SCO1: variants seen among roughly 807,000 people sequenced by gnomAD.
SCO1 encodes cytochrome c oxidase assembly factor SCO1.
In SCO1, 23 loss-of-function variants were observed where a neutral mutation model predicts 34.0. The ratio of observed to expected loss-of-function variants is 0.68; its 90% CI spans 0.49 to 0.96. SCO1 has a LOEUF of 0.96. SCO1 is among the 40% of genes least tolerant of loss of function. The pLI is 0.00. For synonymous variants in SCO1, 161 were observed against 145.5 expected, an observed-to-expected ratio of 1.11 and a Z score of -0.77; for missense variants, 404 against 381.6, an observed-to-expected ratio of 1.06 and a Z score of -0.49.
In SCO1 at chr17:10,675,477, G is replaced by C. The variant is rs2074574948; in HGVS notation, c.*5642C>G. The C allele has an allele frequency of 6.6e-6, 1 of 152,126 alleles. No individual in the cohort carries two copies. The highest frequency in any genetic ancestry group is 1.9e-4 in the East Asian group (1 of 5,182). The allele number at this position is 152,126 out of a possible 1,614,324, so 9.4% of individuals were successfully genotyped here. On this transcript the variant is annotated 3_prime_UTR_variant, in exon 6 of 6. Coordinates refer to ENST00000255390, the MANE Select transcript of SCO1 (RefSeq NM_004589.4). Reference sequence around the variant, plus strand: ...CCTCTACTTTTCTTTTGGAGTTATAGGGTGCAAACAGTAAAAGGCATAAAT... The same window carrying C: ...CCTCTACTTTTCTTTTGGAGTTATACGGTGCAAACAGTAAAAGGCATAAAT...
rs1030452417 is a variant in SCO1, at chr17:10,679,145, A to G, written c.*1974T>C. On this transcript the variant is annotated 3_prime_UTR_variant, in exon 6 of 6. Transcript: ENST00000255390. ...ATTTTTAGGAGAGAGACGACGTTTC[A>G]CCATGTTGGCCAGGCTGGTCTCGAA... is the stretch of plus-strand genomic sequence containing the variant. 1 of 152,182 alleles carries G rather than the reference A, an allele frequency of 6.6e-6. No homozygotes were observed. The highest frequency in any genetic ancestry group is 1.5e-5 in the Non-Finnish European group (1 of 68,072). 9.4% of individuals were successfully genotyped at this position (152,182 alleles called of 1,614,324 possible). A position where few individuals can be genotyped will look rare whatever the true frequency, so the allele number is the denominator to read the frequency against.
Position 10,681,125 on chromosome 17 carries a change from C to T in SCO1, c.900G>A (p.Lys300=). 6.2e-7 allele frequency: 1 copy of T among 1,614,188 alleles called. No individual in the cohort carries two copies. The highest frequency in any genetic ancestry group is 1.6e-4 in the Middle Eastern group (1 of 6,062). The part of the protein sequence containing the change: ...IATHMRPYRK[K]S ...TCCAGCAACACTGCTTTGGCTAGCT[C>T]TTTTTTCTGTATGGCCTCATGTGTG... Residue 300 remains lysine (K), a synonymous_variant, in exon 6 of 6, where the codon AAG becomes AAA. Transcript: ENST00000255390.
In SCO1 at chr17:10,675,854, TTTCCC is replaced by T. The variant is rs2074576987; in HGVS notation, c.*5260_*5264del. ...GAGAGGCTTGGCGGGGAGGGTTGTCTTTCCCTAGGGTTGTGTCTTCCTTGAACTGG... is the reference window on the plus strand; with the variant it reads ...GAGAGGCTTGGCGGGGAGGGTTGTCTTAGGGTTGTGTCTTCCTTGAACTGG... On this transcript the variant is annotated 3_prime_UTR_variant, in exon 6 of 6. Coordinates refer to ENST00000255390, the MANE Select transcript of SCO1 (RefSeq NM_004589.4). The T allele has an allele frequency of 6.6e-6, 1 of 152,186 alleles. No individual in the cohort carries two copies. Among genetic ancestry groups the T allele is most frequent in the Non-Finnish European group, 1.5e-5 (1 of 68,036 alleles). The allele number at this position is 152,186 out of a possible 1,614,324, so 9.4% of individuals were successfully genotyped here.
chr17:10,687,037 A>G (rs2074661292), intron 4 of SCO1, among the ~76,000 whole-genome samples, 195 bp from the exon 5 acceptor site: 1 of 152,242 alleles, frequency 6.6e-6, no homozygotes, highest in Admixed American at 6.5e-5. Flanking sequence ...TTTGTAATAT[A>G]TAAGTCAAAT....
rs79734697 is a variant in SCO1, at chr17:10,682,752, T to C, written c.772-1499A>G. On this transcript the variant is annotated intron_variant, in intron 5 of 5. Coordinates refer to ENST00000255390, the MANE Select transcript of SCO1 (RefSeq NM_004589.4). ...AGGTCTACAGAGGTCTTCCAAGTTC[T>C]AGTACTTCCTTGTATAGAAAAAGGA... Among the ~76,000 whole-genome samples, 170 of 152,364 alleles carry C rather than the reference T, an allele frequency of 1.1e-3. 1 individual carries two copies. The East Asian group carries it at 0.025, about 22-fold the overall frequency.
chr17:10,689,949 A>G (rs2074680240), intron 4 of SCO1, among the ~76,000 whole-genome samples: 1 of 152,150 alleles, frequency 6.6e-6, no homozygotes, highest in South Asian at 2.1e-4. Context: ...CGCTGGGGAA[A>G]GGACAGTCTC....
chr17:10,696,064 A>G (rs987006547), intron 1 of SCO1, among the ~76,000 whole-genome samples: 2 of 138,612 alleles, frequency 1.4e-5, no homozygotes, highest in African/African-American at 2.7e-5. Flanking sequence ...AGTTCTCTTC[A>G]TGTAAATAAA....
chr17:10,676,817 A>G lies in SCO1; in HGVS notation c.*4302T>C, dbSNP rs1363671595. 6.6e-6 allele frequency: 1 copy of G among 152,230 alleles called. No individual in the cohort carries two copies. The highest frequency in any genetic ancestry group is 1.5e-5 in the Non-Finnish European group (1 of 68,048). The allele number at this position is 152,230 out of a possible 1,614,324, so 9.4% of individuals were successfully genotyped here. A position where few individuals can be genotyped will look rare whatever the true frequency, so the allele number is the denominator to read the frequency against. The stretch of plus-strand genomic sequence containing the variant: ...GCCAAACTTTCTTTACTGAGGATAT[A>G]GTATAATTACGGAAGAAGAGCCAAC... On this transcript the variant is annotated 3_prime_UTR_variant, in exon 6 of 6. Transcript: ENST00000255390.
At position 10,697,116 on chromosome 17, in the gene SCO1, G is replaced by A. The variant is rs2520170; in HGVS notation, c.273+119C>T. 0.011 allele frequency: 11,394 copies of A among 1,005,146 alleles called. 792 individuals are homozygous for A. The African/African-American group carries it at 0.16, about 14-fold the overall frequency. The allele number at this position is 1,005,146 out of a possible 1,614,324, so 62.3% of individuals were successfully genotyped here. A position where few individuals can be genotyped will look rare whatever the true frequency, so the allele number is the denominator to read the frequency against. ...TCCATGACCCAGGTAAGGCGCGCAA[G>A]CTAAGGACAACTTTAGGGGAGGCGG... On this transcript the variant is annotated intron_variant, in intron 1 of 5. Coordinates refer to ENST00000255390, the MANE Select transcript of SCO1 (RefSeq NM_004589.4).
At chr17:10,686,928 C>G in intron 4 of SCO1, 86 bp from the exon 5 acceptor site, 3 of 839,806 alleles carry the variant, frequency 3.6e-6, no homozygotes, top group Non-Finnish European at 4.1e-6. Context: ...AGTTGTAAAG[C>G]AGCTCTACTG....
At chr17:10,689,793 A>C (rs2074679396) in intron 4 of SCO1, among the ~76,000 whole-genome samples, 1 of 152,228 alleles carries the variant, frequency 6.6e-6, no homozygotes, top group South Asian at 2.1e-4. Flanking sequence ...GTAGGATCAC[A>C]CTACCTGACT....
At chr17:10,688,037 G>A (rs2074667498) in intron 4 of SCO1, among the ~76,000 whole-genome samples, 1 of 152,200 alleles carries the variant, frequency 6.6e-6, no homozygotes, top group African/African-American at 2.4e-5. Context: ...TTATGCTTAA[G>A]TATACGTAGT....
At chr17:10,694,467 G>A (rs769773710) in intron 2 of SCO1, among the ~76,000 whole-genome samples, 1 of 152,126 alleles carries the variant, frequency 6.6e-6, no homozygotes, top group Non-Finnish European at 1.5e-5. Context: ...ATACCCTGAA[G>A]ATTATCTGAA....
In SCO1 at chr17:10,678,344, A is replaced by G. The variant is rs2074595841; in HGVS notation, c.*2775T>C. 6.6e-6 allele frequency: 1 copy of G among 152,114 alleles called. No individual in the cohort carries two copies. Among genetic ancestry groups the G allele is most frequent in the Non-Finnish European group, 1.5e-5 (1 of 68,018 alleles). 9.4% of individuals were successfully genotyped at this position (152,114 alleles called of 1,614,324 possible). ...CTTGTGCATAAACAGGAACATCTGG[A>G]AGACGTCACCTCTAAGGTCCCCTTC... On this transcript the variant is annotated 3_prime_UTR_variant, in exon 6 of 6. Coordinates refer to ENST00000255390, the MANE Select transcript of SCO1 (RefSeq NM_004589.4).
In SCO1 at chr17:10,691,167, T is replaced by C. The variant is rs138756161; in HGVS notation, c.655+705A>G. 8.3e-3 allele frequency among the ~76,000 whole-genome samples: 1,259 copies of C among 152,352 alleles called. 11 individuals carry two copies. Among genetic ancestry groups the C allele is most frequent in the Non-Finnish European group, 0.014 (964 of 68,032 alleles). ...CAGAGTCTAGCTCTGTTGCCCAGGC[T>C]GAAGATCAGTGGCGTGATGTCAGCT... On this transcript the variant is annotated intron_variant, in intron 4 of 5. Coordinates refer to ENST00000255390, the MANE Select transcript of SCO1 (RefSeq NM_004589.4).
intron 4 of SCO1, among the ~76,000 whole-genome samples, chr17:10,691,546 G>A (rs1189682115): frequency 6.6e-6 from 1 of 152,184 alleles, no homozygotes. Flanking sequence ...TTACAATGCA[G>A]AGAATGAGTT....
At position 10,675,952 on chromosome 17, in the gene SCO1, A is replaced by G. The variant is rs1379957661; in HGVS notation, c.*5167T>C. On this transcript the variant is annotated 3_prime_UTR_variant, in exon 6 of 6. Coordinates refer to ENST00000255390, the MANE Select transcript of SCO1 (RefSeq NM_004589.4). ...ACATCCCCACAACGAACTGCATCAT[A>G]GCTCCTTGAAATCAAAGGACCAAAT... is the stretch of plus-strand genomic sequence containing the variant. 6.6e-6 allele frequency: 1 copy of G among 152,226 alleles called. No homozygotes were observed. Among genetic ancestry groups the G allele is most frequent in the African/African-American group, 2.4e-5 (1 of 41,444 alleles). 9.4% of individuals were successfully genotyped at this position (152,226 alleles called of 1,614,324 possible).
At chr17:10,686,992 A>ATT (rs2074661050) in intron 4 of SCO1, 150 bp from the exon 5 acceptor site, 1 of 667,666 alleles carries the variant, frequency 1.5e-6, no homozygotes, top group South Asian at 1.7e-5. Flanking sequence ...AAGGAAAAGG[A>ATT]GAAGAAATTC....
intron 5 of SCO1, among the ~76,000 whole-genome samples, chr17:10,685,269 G>C (rs779186611): frequency 4.6e-5 from 7 of 152,126 alleles, no homozygotes; most frequent in African/African-American, 1.7e-4. Context: ...CAGCTAGAAA[G>C]GCTCTTAGGA....
Sources: allele counts gnomAD v4.1 joint callset (sites outside exome capture counted in the v4.1 genomes callset), GRCh38; gene constraint gnomAD v4.1.1; transcripts MANE v1.5; gene names NCBI Gene and HGNC (gene_info 2026-07-23, HGNC 2026-07-21).